The following CLEC16A variants were observed in gnomAD, a reference collection of about 807,000 sequenced individuals.
CLEC16A encodes the protein protein CLEC16A.
A neutral mutation model predicts 109.5 loss-of-function variants in CLEC16A; 51 were observed. That is an observed-to-expected ratio of 0.47 (90% confidence interval 0.37 to 0.59). The LOEUF is 0.59. CLEC16A is among the 20% of genes least tolerant of loss of function. The probability of loss-of-function intolerance (pLI) is 0.00; values close to 1 mark genes in which losing one functional copy is unlikely to be tolerated. For synonymous variants in CLEC16A, 673 were observed against 564.2 expected, an observed-to-expected ratio of 1.19 and a Z score of -2.73; for missense variants, 1,339 against 1,394.0, an observed-to-expected ratio of 0.96 and a Z score of 0.63.
intron 10 of CLEC16A, among the ~76,000 whole-genome samples, chr16:10,992,964 G>A (rs888696731): frequency 3.3e-5 from 5 of 152,128 alleles, no homozygotes; most frequent in Non-Finnish European, 7.4e-5. Context: ...GTCGGGGGGC[G>A]TGGCCAAAAC....
At chr16:11,022,598 G>A (rs967550724) in intron 12 of CLEC16A, among the ~76,000 whole-genome samples, 2 of 151,922 alleles carry the variant, frequency 1.3e-5, no homozygotes, top group Non-Finnish European at 2.9e-5. Context: ...CTGCACTGGG[G>A]GTTAAATATA....
intron 22 of CLEC16A, among the ~76,000 whole-genome samples, chr16:11,142,064 A>C (rs1016369855): frequency 6.6e-6 from 1 of 152,176 alleles, no homozygotes; most frequent in African/African-American, 2.4e-5. Context: ...CACTGGGCTA[A>C]GTATCTCCAC....
At chr16:11,118,774 T>TA (rs1202582588) in intron 19 of CLEC16A, among the ~76,000 whole-genome samples, 1 of 152,236 alleles carries the variant, frequency 6.6e-6, no homozygotes, top group Non-Finnish European at 1.5e-5. Context: ...TTCTGGGTCT[T>TA]ACATTTAAGT....
At chr16:11,010,739 C>T (rs1187639702) in intron 11 of CLEC16A, among the ~76,000 whole-genome samples, 2 of 152,226 alleles carry the variant, frequency 1.3e-5, no homozygotes, top group South Asian at 2.1e-4. Flanking sequence ...ATTCTCTCCT[C>T]CAGTGCAAGG....
In CLEC16A at chr16:11,093,726, C is replaced by T. The variant is rs138746359; in HGVS notation, c.2117-26889C>T. Among the ~76,000 whole-genome samples the T allele has an allele frequency of 3.3e-3, 497 of 152,196 alleles. 5 individuals are homozygous for T. Among genetic ancestry groups the T allele is most frequent in the African/African-American group, 0.011 (477 of 41,514 alleles). On this transcript the variant is annotated intron_variant, in intron 19 of 23. Coordinates refer to ENST00000409790, the MANE Select transcript of CLEC16A (RefSeq NM_015226.3). ...AGACTGAGCAAGAGGAGGTAGAAGG[C>T]GAGCCAGGATATGAGGGTGTGGCAG...
rs1051886459 is a variant in CLEC16A, at chr16:11,174,769, A to T, written c.2807-3566A>T. On this transcript the variant is annotated intron_variant, in intron 23 of 23. Coordinates refer to ENST00000409790, the MANE Select transcript of CLEC16A (RefSeq NM_015226.3). This position sits in a 1 kb window ranked among gnomAD's most constrained non-coding sequence, Gnocchi z 4.7. ...TAGTCTTGATCTAAGATAAGTGGCA[A>T]ATTCAGTCCTGTTTTGACCGGAAGC... 1.1e-4 allele frequency among the ~76,000 whole-genome samples: 16 copies of T among 152,180 alleles called. No individual in the cohort carries two copies. The highest frequency in any genetic ancestry group is 6.5e-4 in the Admixed American group (10 of 15,280).
At chr16:11,031,338 G>A (rs554065363) in intron 13 of CLEC16A, among the ~76,000 whole-genome samples, 14 of 152,298 alleles carry the variant, frequency 9.2e-5, no homozygotes, top group African/African-American at 3.4e-4. Flanking sequence ...CTTGGTGACT[G>A]GTGTTCTCCA....
chr16:11,014,786 C>T lies in CLEC16A; in HGVS notation c.1304-5407C>T, dbSNP rs1344579465. 2.0e-5 allele frequency among the ~76,000 whole-genome samples: 3 copies of T among 152,294 alleles called. No individual in the cohort carries two copies. The South Asian group carries it at 6.2e-4, about 32-fold the overall frequency. On this transcript the variant is annotated intron_variant, in intron 11 of 23. Coordinates refer to ENST00000409790, the MANE Select transcript of CLEC16A (RefSeq NM_015226.3). ...TCCTTGGTGGCAGCAGTGTGGCGCC[C>T]GCACCTTGGGAGGGAGGCTGGCCAG...
chr16:10,985,587 A>T (rs989644124), intron 10 of CLEC16A, among the ~76,000 whole-genome samples: 2 of 151,264 alleles, frequency 1.3e-5, no homozygotes, highest in Admixed American at 6.6e-5. Context: ...AAGCCTGAGG[A>T]TAGCTGCCGT....
At chr16:11,176,983 TAAAAG>T (rs1380360204) in intron 23 of CLEC16A, among the ~76,000 whole-genome samples, 6 of 152,186 alleles carry the variant, frequency 3.9e-5, no homozygotes, top group African/African-American at 1.2e-4. Flanking sequence ...TGGCCTGACT[TAAAAG>T]AGAAAATAAA....
chr16:11,039,641 A>G, intron 13 of CLEC16A, 113 bp from the exon 14 acceptor site: 1 of 1,210,702 alleles, frequency 8.3e-7, no homozygotes, highest in Non-Finnish European at 1.1e-6. Flanking sequence ...AGAAATCACC[A>G]AGAGGGAACA....
chr16:10,948,191 C>G (rs921472620), intron 1 of CLEC16A, among the ~76,000 whole-genome samples: 1 of 152,180 alleles, frequency 6.6e-6, no homozygotes, highest in Non-Finnish European at 1.5e-5. Flanking sequence ...CTGCACCCGG[C>G]CTAGACTTTA....
chr16:10,980,649 A>G (rs963420269), intron 9 of CLEC16A, among the ~76,000 whole-genome samples: 10 of 152,282 alleles, frequency 6.6e-5, no homozygotes, highest in Admixed American at 3.9e-4. Context: ...GTAAAGGACC[A>G]GTAGCCCATG....
intron 19 of CLEC16A, among the ~76,000 whole-genome samples, chr16:11,077,225 T>G (rs2049425454): frequency 6.6e-6 from 1 of 151,858 alleles, no homozygotes; most frequent in African/African-American, 2.4e-5. Context: ...ATCCCAGCAC[T>G]TTGGGAGGCT....
intron 19 of CLEC16A, among the ~76,000 whole-genome samples, chr16:11,119,242 A>G (rs1363242386): frequency 6.6e-6 from 1 of 152,098 alleles, no homozygotes; most frequent in Non-Finnish European, 1.5e-5. Flanking sequence ...ACGTCAAGTG[A>G]TCTGCCCACC....
chr16:11,052,874 A>G (rs1372842230), intron 18 of CLEC16A, among the ~76,000 whole-genome samples: 3 of 145,446 alleles, frequency 2.1e-5, no homozygotes, highest in Non-Finnish European at 4.5e-5. Context: ...TCTGGATTCC[A>G]CTTTGCCTTT....
intron 22 of CLEC16A, among the ~76,000 whole-genome samples, chr16:11,140,034 C>T (rs2053749911): frequency 6.6e-6 from 1 of 152,250 alleles, no homozygotes. Flanking sequence ...TCTCAAAGTT[C>T]ATCCCTGGAG....
intron 13 of CLEC16A, among the ~76,000 whole-genome samples, chr16:11,038,857 G>T (rs1228536039): frequency 6.6e-6 from 1 of 152,138 alleles, no homozygotes; most frequent in Non-Finnish European, 1.5e-5. Context: ...GAAAGGCTTA[G>T]CTTAGTGTCT....
At position 11,067,189 on chromosome 16, in the gene CLEC16A, GTTT is replaced by G. The variant is rs71406205; in HGVS notation, c.2116+6186_2116+6188del. Among the ~76,000 whole-genome samples the G allele has an allele frequency of 1.6e-3, 163 of 98,980 alleles. 1 individual carries two copies. Among genetic ancestry groups the G allele is most frequent in the Admixed American group, 2.9e-3 (24 of 8,202 alleles). The allele number at this position is 98,980 out of a possible 152,430, so 64.9% of individuals were successfully genotyped here. A position where few individuals can be genotyped will look rare whatever the true frequency, so the allele number is the denominator to read the frequency against. On this transcript the variant is annotated intron_variant, in intron 19 of 23. Transcript: ENST00000409790. ...TTTGGTTTTTTTTTTGTTTGTTTTT[GTTT>G]TTTTTTTTTTTTTTTTTTAAAAAAA...
Sources: gnomAD v4.1 joint callset for allele counts (sites outside exome capture counted in the v4.1 genomes callset) on GRCh38, gnomAD v4.1.1 for gene constraint, Gnocchi (gnomAD v3.1) non-coding constraint, MANE v1.5 for transcripts, NCBI Gene and HGNC (gene_info 2026-07-23, HGNC 2026-07-21) for gene names.